The following GALNT13 variants were observed in gnomAD, a reference collection of about 807,000 sequenced individuals.
GALNT13 encodes the protein polypeptide N-acetylgalactosaminyltransferase 13.
In GALNT13, 28 loss-of-function variants were observed where a neutral mutation model predicts 64.2. The observed-to-expected ratio is 0.44, with a 90% confidence interval of 0.32 to 0.60. GALNT13 has a LOEUF of 0.60. Among genes scored for constraint, GALNT13 ranks in the 20% least tolerant of loss-of-function variants. GALNT13 has a pLI of 0.05. For missense variants in GALNT13, 577 were observed against 669.8 expected, an observed-to-expected ratio of 0.86 and a Z score of 1.53; for synonymous variants, 214 against 224.6, an observed-to-expected ratio of 0.95 and a Z score of 0.42.
At chr2:153,624,144 A>G in the GALNT13 span, among the ~76,000 whole-genome samples, 6 of 152,124 alleles carry the variant, frequency 3.9e-5, no homozygotes, top group East Asian at 1.2e-3. Context: ...ATTTGAATAC[A>G]TGATCCTTAA....
At chr2:154,218,701 T>G (rs903265401) in intron 4 of GALNT13, among the ~76,000 whole-genome samples, 3 of 152,092 alleles carry the variant, frequency 2.0e-5, no homozygotes, top group Non-Finnish European at 4.4e-5. Context: ...ATCTTAGCCA[T>G]ATTTTCTCAG....
chr2:154,206,733 G>A (rs563214997), intron 4 of GALNT13, among the ~76,000 whole-genome samples: 5 of 151,478 alleles, frequency 3.3e-5, no homozygotes, highest in African/African-American at 1.2e-4. Context: ...GCAGTGAGCC[G>A]AGATTGCCCC....
At chr2:154,422,961 G>A (rs557761977) in intron 11 of GALNT13, among the ~76,000 whole-genome samples, 1 of 152,120 alleles carries the variant, frequency 6.6e-6, no homozygotes, top group South Asian at 2.1e-4. Context: ...TGTGCACAAT[G>A]TGCAGGTTTA....
the GALNT13 span, among the ~76,000 whole-genome samples, chr2:153,591,038 C>G: frequency 7.9e-5 from 12 of 152,196 alleles, no homozygotes; most frequent in East Asian, 2.3e-3. Context: ...TTCTTGTTTG[C>G]TGATGGTACA....
the GALNT13 span, among the ~76,000 whole-genome samples, chr2:153,430,545 AG>A: frequency 6.6e-6 from 1 of 150,796 alleles, no homozygotes. Flanking sequence ...AGAGAGAGAG[AG>A]AGAGAGAGAC....
At chr2:153,938,799 A>T (rs1162425085) in intron 2 of GALNT13, among the ~76,000 whole-genome samples, 1 of 152,040 alleles carries the variant, frequency 6.6e-6, no homozygotes, top group Non-Finnish European at 1.5e-5. Context: ...ATTAGGGTCC[A>T]CCCATCACAC....
At chr2:153,559,833 A>T in the GALNT13 span, among the ~76,000 whole-genome samples, 1 of 152,086 alleles carries the variant, frequency 6.6e-6, no homozygotes, top group Non-Finnish European at 1.5e-5. Flanking sequence ...TAACTTTTTC[A>T]GTAAGAAAAA....
intron 9 of GALNT13, among the ~76,000 whole-genome samples, chr2:154,351,791 C>T (rs1412317429): frequency 7.0e-6 from 1 of 142,460 alleles, no homozygotes; most frequent in Non-Finnish European, 1.5e-5. Flanking sequence ...CCATATCGAT[C>T]TATGTATCTA....
At chr2:154,410,201 G>A (rs1400886298) in intron 11 of GALNT13, among the ~76,000 whole-genome samples, 1 of 151,922 alleles carries the variant, frequency 6.6e-6, no homozygotes, top group Non-Finnish European at 1.5e-5. Flanking sequence ...TTGTTTCACT[G>A]ATTCATAATG....
At chr2:154,025,901 T>C (rs987618353) in intron 3 of GALNT13, among the ~76,000 whole-genome samples, 17 of 152,048 alleles carry the variant, frequency 1.1e-4, no homozygotes, top group Admixed American at 1.1e-3. Context: ...GAGAGGAGGA[T>C]ACATGTGAAG....
intron 2 of GALNT13, among the ~76,000 whole-genome samples, chr2:153,907,915 T>C (rs1030004720): frequency 6.6e-6 from 1 of 152,108 alleles, no homozygotes; most frequent in African/African-American, 2.4e-5. Flanking sequence ...TTCCTTTATG[T>C]ATATACCCAG....
the GALNT13 span, among the ~76,000 whole-genome samples, chr2:153,253,191 G>A: frequency 6.7e-6 from 1 of 149,876 alleles, no homozygotes; most frequent in African/African-American, 2.5e-5. Flanking sequence ...CACATCCCTT[G>A]TAAGTTGGAT....
At chr2:153,476,928 G>C in the GALNT13 span, among the ~76,000 whole-genome samples, 3 of 152,040 alleles carry the variant, frequency 2.0e-5, no homozygotes, top group Non-Finnish European at 2.9e-5. Flanking sequence ...GGCTGACGTT[G>C]GTTAGGGTAG....
chr2:153,162,143 T>A, the GALNT13 span, among the ~76,000 whole-genome samples: 2 of 152,174 alleles, frequency 1.3e-5, no homozygotes, highest in Non-Finnish European at 2.9e-5. Flanking sequence ...CCAGCTTCTG[T>A]CAATTGAGGT....
intron 9 of GALNT13, among the ~76,000 whole-genome samples, chr2:154,386,848 C>T (rs1474913326): frequency 6.6e-6 from 1 of 152,080 alleles, no homozygotes; most frequent in Admixed American, 6.6e-5. Flanking sequence ...TATTGTCACA[C>T]TGATCTGAAG....
chr2:153,791,521 A>G, the GALNT13 span, among the ~76,000 whole-genome samples: 1 of 152,194 alleles, frequency 6.6e-6, no homozygotes, highest in Non-Finnish European at 1.5e-5. Flanking sequence ...CAATGTGGCA[A>G]TCCCTCAAAG....
chr2:153,148,478 C>CT, the GALNT13 span, among the ~76,000 whole-genome samples: 1,307 of 135,638 alleles, frequency 9.6e-3, 8 homozygotes, highest in South Asian at 0.017. Flanking sequence ...TCCATTTTTT[C>CT]TTTTTTTTTT....
intron 9 of GALNT13, among the ~76,000 whole-genome samples, chr2:154,332,671 T>G (rs1379888731): frequency 2.0e-5 from 3 of 152,134 alleles, no homozygotes; most frequent in Admixed American, 6.6e-5. Context: ...CTATGTGAGC[T>G]GGTTGCCCTG....
At chr2:153,428,688 A>T in the GALNT13 span, among the ~76,000 whole-genome samples, 1 of 152,228 alleles carries the variant, frequency 6.6e-6, no homozygotes, top group Non-Finnish European at 1.5e-5. Context: ...GGCAGGGCCC[A>T]GGTGAGGTTT....
Sources: allele counts gnomAD v4.1 joint callset (sites outside exome capture counted in the v4.1 genomes callset), GRCh38; gene constraint gnomAD v4.1.1; transcripts MANE v1.5; gene names NCBI Gene and HGNC (gene_info 2026-07-23, HGNC 2026-07-21).